The following RAD52 variants were observed in gnomAD, a reference collection of about 807,000 sequenced individuals.
RAD52 encodes the protein RAD52 DNA repair protein.
Under a neutral mutation model 55.5 loss-of-function variants are expected in RAD52, and 47 were observed. The observed-to-expected ratio is 0.85, with a 90% CI of 0.67 to 1.08. The LOEUF (loss-of-function observed/expected upper bound fraction) is 1.08. RAD52 is among the 50% of genes least tolerant of loss of function. The pLI, the probability that RAD52 is intolerant of heterozygous loss-of-function variation, is 0.00. For missense variants in RAD52, 468 were observed against 522.8 expected (o/e 0.90, Z 1.02); for synonymous variants, 184 against 198.9 (o/e 0.92, Z 0.63).
rs1223150731 is a variant in RAD52, at chr12:911,776, A to ACTT, written c.*1612_*1614dup. ...CATGCCTATAATTCTAGTACTTTTT[A>ACTT]CTTTGGGAGGCCGAGGTGGGCAGAT... is the stretch of plus-strand genomic sequence containing the variant. On this transcript the variant is annotated 3_prime_UTR_variant, in exon 12 of 12. Coordinates refer to ENST00000358495, the MANE Select transcript of RAD52 (RefSeq NM_134424.4). Among the ~76,000 whole-genome samples, 3 of 152,164 alleles carry ACTT rather than the reference A, an allele frequency of 2.0e-5. No individual in the cohort carries two copies. Among genetic ancestry groups the ACTT allele is most frequent in the Non-Finnish European group, 4.4e-5 (3 of 68,018 alleles).
intron 9 of RAD52, among the ~76,000 whole-genome samples, chr12:915,125 C>T (rs933603292): frequency 6.6e-6 from 1 of 152,222 alleles, no homozygotes; most frequent in African/African-American, 2.4e-5. Context: ...CAGAGCAAGA[C>T]CCTGTCTGAA....
chr12:981,329 T>C (rs1426668231), intron 1 of RAD52, among the ~76,000 whole-genome samples: 1 of 151,918 alleles, frequency 6.6e-6, no homozygotes, highest in African/African-American at 2.4e-5. Context: ...TGCAACCCTA[T>C]CTCAAAACAA....
chr12:984,573 G>C (rs1959061318), intron 1 of RAD52, among the ~76,000 whole-genome samples: 1 of 151,928 alleles, frequency 6.6e-6, no homozygotes, highest in Non-Finnish European at 1.5e-5. Context: ...TTTTATGATT[G>C]GCTTATTTTA....
At chr12:973,496 T>A (rs1186243645) in intron 1 of RAD52, among the ~76,000 whole-genome samples, 1 of 149,760 alleles carries the variant, frequency 6.7e-6, no homozygotes, top group African/African-American at 2.5e-5. Flanking sequence ...TTTTTTTTTT[T>A]AAACACAGTC....
intron 6 of RAD52, among the ~76,000 whole-genome samples, chr12:925,854 C>G (rs1565661611): frequency 6.6e-6 from 1 of 151,946 alleles, no homozygotes; most frequent in Admixed American, 6.6e-5. Context: ...TTTTTTCCCC[C>G]CAAAGGCTGC....
chr12:952,381 C>T (rs2154120054), upstream of RAD52, among the ~76,000 whole-genome samples: 1 of 152,294 alleles, frequency 6.6e-6, no homozygotes, highest in South Asian at 2.1e-4. Flanking sequence ...ACTACAGGTG[C>T]TCACCACCAT....
At chr12:917,457 A>G (rs539359055) in intron 7 of RAD52, among the ~76,000 whole-genome samples, 5 of 152,300 alleles carry the variant, frequency 3.3e-5, no homozygotes, top group African/African-American at 9.6e-5. Flanking sequence ...ACATCTCTCA[A>G]TTCATAAAAC....
chr12:976,460 T>G (rs897030295), intron 1 of RAD52: 1 of 152,240 alleles, frequency 6.6e-6, no homozygotes, highest in Non-Finnish European at 1.5e-5. Flanking sequence ...AACTAGCAGC[T>G]TCTACTTCCT....
chr12:949,131 G>C (rs1395599537), intron 1 of RAD52, among the ~76,000 whole-genome samples: 5 of 151,984 alleles, frequency 3.3e-5, no homozygotes, highest in Non-Finnish European at 4.4e-5. Flanking sequence ...GTGCGATCTC[G>C]GCTCACTGCA....
intron 2 of RAD52, among the ~76,000 whole-genome samples, chr12:932,452 A>G (rs1173617456): frequency 6.6e-6 from 1 of 152,038 alleles, no homozygotes; most frequent in Admixed American, 6.6e-5. Context: ...CTGAGATCGC[A>G]CCACTGCACT....
chr12:973,782 CTT>C (rs750425355), intron 1 of RAD52, among the ~76,000 whole-genome samples: 31 of 113,482 alleles, frequency 2.7e-4, no homozygotes, highest in Admixed American at 2.9e-4. Flanking sequence ...CCCAGTCCTT[CTT>C]TTTTTTTTTT....
chr12:978,688 A>G (rs1958967962), intron 1 of RAD52, among the ~76,000 whole-genome samples: 1 of 151,992 alleles, frequency 6.6e-6, no homozygotes, highest in Non-Finnish European at 1.5e-5. Flanking sequence ...CTGTAGTCCC[A>G]GCTACTCGGG....
chr12:978,141 G>T (rs1464900482), intron 1 of RAD52, among the ~76,000 whole-genome samples: 1 of 152,180 alleles, frequency 6.6e-6, no homozygotes, highest in Non-Finnish European at 1.5e-5. Context: ...TTGAGTAGAG[G>T]CACCAACTGT....
rs1220484160 is a variant in RAD52, at chr12:931,285, T to C, written c.121A>G (p.Lys41Glu). 6.2e-7 allele frequency: 1 copy of C among 1,612,134 alleles called. No homozygotes were observed. The highest frequency in any genetic ancestry group is 1.7e-5 in the Admixed American group (1 of 59,736). ...GGGCCCAGCCTCTGCCTCAGGGCCT[T>C]CTGGATGGCCTGGTACTCTTCTGCT... ...YTAEEYQAIQ[K>E]ALRQRLGPEY... is the part of the protein sequence containing the mutation. Residue 41 changes from lysine to glutamate, a missense_variant, in exon 3 of 12, where the codon AAG becomes GAG. By Grantham distance (56) the Lys-to-Glu change is moderately conservative (BLOSUM62 1). Coordinates refer to ENST00000358495, the MANE Select transcript of RAD52 (RefSeq NM_134424.4).
intron 1 of RAD52, among the ~76,000 whole-genome samples, chr12:966,988 C>G (rs960977722): frequency 2.6e-5 from 4 of 151,844 alleles, no homozygotes; most frequent in Admixed American, 2.0e-4. Context: ...CAACTGAGTT[C>G]TGTGTGGGTG....
At chr12:950,218 G>A (rs1250459599), upstream of RAD52, among the ~76,000 whole-genome samples, 1 of 152,208 alleles carries the variant, frequency 6.6e-6, no homozygotes, top group South Asian at 2.1e-4. Flanking sequence ...TGGCGCCTTC[G>A]GTTAGCGACG....
intron 1 of RAD52, among the ~76,000 whole-genome samples, chr12:963,902 T>C (rs538786162): frequency 2.0e-5 from 3 of 151,916 alleles, no homozygotes; most frequent in South Asian, 4.2e-4. Context: ...AATGGAGCGA[T>C]TGCTTAGGGA....
At chr12:936,196 C>CG (rs1957618264) in intron 1 of RAD52, among the ~76,000 whole-genome samples, 1 of 151,744 alleles carries the variant, frequency 6.6e-6, no homozygotes, top group African/African-American at 2.4e-5. Flanking sequence ...CCCAGCTACT[C>CG]GGGGGGCTGA....
chr12:968,875 A>C (rs868312934), intron 1 of RAD52, among the ~76,000 whole-genome samples: 1 of 152,096 alleles, frequency 6.6e-6, no homozygotes, highest in African/African-American at 2.4e-5. Flanking sequence ...AATTCAATAA[A>C]TATTTGTTGA....
Sources: allele counts gnomAD v4.1 joint callset (sites outside exome capture counted in the v4.1 genomes callset), GRCh38; gene constraint gnomAD v4.1.1; transcripts MANE v1.5; gene names NCBI Gene and HGNC (gene_info 2026-07-23, HGNC 2026-07-21).